The following THBS2 variants were observed in gnomAD, a reference collection of about 807,000 sequenced individuals.
THBS2 encodes the protein thrombospondin 2.
THBS2 carries 47 observed loss-of-function variants against 135.2 expected under a neutral mutation model. The observed-to-expected ratio is 0.35, with a 90% CI of 0.28 to 0.44. The LOEUF (loss-of-function observed/expected upper bound fraction) is 0.44, where lower values mean the gene tolerates loss of function less well. Ranked by LOEUF, THBS2 falls within the 20% of genes least tolerant of loss-of-function variation. THBS2 has a pLI of 1.00. For missense variants in THBS2, 1,288 were observed against 1,603.1 expected, an observed-to-expected ratio of 0.80 and a Z score of 3.36; for synonymous variants, 639 against 633.8, an observed-to-expected ratio of 1.01 and a Z score of -0.12.
Position 169,217,220 on chromosome 6 carries a change from GT to G in THBS2, c.*601del, listed in dbSNP as rs1779205845. On this transcript the variant is annotated 3_prime_UTR_variant, in exon 22 of 22. Coordinates refer to ENST00000617924, the MANE Select transcript of THBS2 (RefSeq NM_003247.5). The stretch of plus-strand genomic sequence containing the variant: ...GTTTATTTTTGTAACTGTTTTACAT[GT>G]TCCGATTAGTTAATCGGTAGCTTAT... 1 of 152,306 alleles carries G rather than the reference GT, an allele frequency of 6.6e-6. No homozygotes were observed. The allele number at this position is 152,306 out of a possible 1,614,324, so 9.4% of individuals were successfully genotyped here. A position where few individuals can be genotyped will look rare whatever the true frequency, so the allele number is the denominator to read the frequency against.
chr6:169,223,610 T>G, intron 17 of THBS2, 135 bp from the exon 18 acceptor site: 1 of 690,518 alleles, frequency 1.4e-6, no homozygotes, highest in Non-Finnish European at 2.4e-6. Context: ...CTGAGTGCTT[T>G]GCAGTGTTTT....
At chr6:169,233,752 ACTAC>A (rs1385850011) in intron 10 of THBS2, among the ~76,000 whole-genome samples, 1 of 145,934 alleles carries the variant, frequency 6.9e-6, no homozygotes, top group African/African-American at 2.6e-5. Flanking sequence ...ACACTACACA[ACTAC>A]CTACACACCA....
At chr6:169,220,476 G>T in intron 20 of THBS2, 139 bp from the exon 21 acceptor site, 5 of 1,104,952 alleles carry the variant, frequency 4.5e-6, no homozygotes, top group Non-Finnish European at 5.2e-6. Context: ...AGGGGGCATT[G>T]CTGGCTTTCT....
At chr6:169,221,211 A>G (rs555180733) in intron 20 of THBS2, among the ~76,000 whole-genome samples, 12 of 152,334 alleles carry the variant, frequency 7.9e-5, no homozygotes, top group African/African-American at 2.9e-4. Context: ...TCATCCCAAA[A>G]CAAAGCAGAT....
At chr6:169,235,410 A>G (rs1353413314) in intron 9 of THBS2, among the ~76,000 whole-genome samples, 1 of 151,764 alleles carries the variant, frequency 6.6e-6, no homozygotes, top group East Asian at 1.9e-4. Flanking sequence ...GAAGCCTGGT[A>G]TGACACCGAA....
chr6:169,219,470 A>G (rs1779339844), intron 21 of THBS2, among the ~76,000 whole-genome samples: 1 of 152,066 alleles, frequency 6.6e-6, no homozygotes, highest in Non-Finnish European at 1.5e-5. Context: ...AGATGCCTTG[A>G]AAGACATCCT....
At chr6:169,227,204 C>A (rs569820239) in intron 15 of THBS2, among the ~76,000 whole-genome samples, 1 of 152,274 alleles carries the variant, frequency 6.6e-6, no homozygotes. Flanking sequence ...GGGAAGAGGA[C>A]CCCACGAGGC....
chr6:169,219,723 A>G (rs1041743305), intron 21 of THBS2: 1 of 505,510 alleles, frequency 2.0e-6, no homozygotes, highest in Non-Finnish European at 3.9e-6. Context: ...GGTAATGCGC[A>G]TTTGAAGGCA....
chr6:169,234,608 C>T, intron 10 of THBS2, 126 bp downstream of exon 10: 1 of 995,152 alleles, frequency 1.0e-6, no homozygotes, highest in Non-Finnish European at 1.4e-6. Context: ...AAGTAGTTAT[C>T]TTTGCGTGTG....
chr6:169,233,714 CCA>C (rs1265273874), intron 10 of THBS2, among the ~76,000 whole-genome samples: 2 of 147,624 alleles, frequency 1.4e-5, no homozygotes, highest in Non-Finnish European at 3.0e-5. Flanking sequence ...ACGTTCCAGA[CCA>C]CACAACTACC....
Position 169,248,876 on chromosome 6 carries a change from G to C in THBS2, c.150C>G (p.Pro50=). 1 of 1,612,804 alleles carries C rather than the reference G, an allele frequency of 6.2e-7. No individual in the cohort carries two copies. The part of the protein sequence containing the change: ...IGAKQFRGPD[P]GVPAYRFVRF... ...GCACGAAGCGGTAAGCCGGCACGCC[G>C]GGGTCGGGCCCGCGGAACTGCTTGG... is the stretch of plus-strand genomic sequence containing the variant. The change falls in exon 3 of 22, where the codon CCC becomes CCG. Residue 50 remains proline (P), a synonymous_variant. Transcript: ENST00000617924.
rs1354261339 is a variant in THBS2 at position 169,217,376 on chromosome 6, T to G, written c.*446A>C. The G allele has an allele frequency of 6.2e-6, 1 of 160,714 alleles. No individual in the cohort carries two copies. Among genetic ancestry groups the G allele is most frequent in the African/African-American group, 2.4e-5 (1 of 41,828 alleles). The allele number at this position is 160,714 out of a possible 1,614,324, so 10.0% of individuals were successfully genotyped here. Reference sequence around the variant, plus strand: ...TTGTAGAGCAACTCTAATTCAAGAATAGTGACAACTTTAAGCACCAAAAGT... The same window carrying G: ...TTGTAGAGCAACTCTAATTCAAGAAGAGTGACAACTTTAAGCACCAAAAGT... On this transcript the variant is annotated 3_prime_UTR_variant, in exon 22 of 22. Coordinates refer to ENST00000617924, the MANE Select transcript of THBS2 (RefSeq NM_003247.5).
intron 16 of THBS2, 22 bp downstream of exon 16, chr6:169,226,158 G>A (rs768084560): frequency 9.4e-6 from 15 of 1,594,746 alleles, no homozygotes; most frequent in East Asian, 2.2e-5. Flanking sequence ...CTCCAACCCC[G>A]CCTGTCTGCG....
chr6:169,253,823 C>T lies in THBS2; in HGVS notation c.-122G>A, dbSNP rs1780830491. ...GGAGCGAGAGACCGGCCCTGCAGTG[C>T]AGGATGCTCCGGTGGACGTGGCCGA... On this transcript the variant is annotated 5_prime_UTR_variant, in exon 1 of 22. Transcript: ENST00000617924. The T allele has an allele frequency of 6.6e-6, 1 of 152,272 alleles. No individual in the cohort carries two copies. The highest frequency in any genetic ancestry group is 1.5e-5 in the Non-Finnish European group (1 of 68,078). 9.4% of individuals were successfully genotyped at this position (152,272 alleles called of 1,614,324 possible). A position where few individuals can be genotyped will look rare whatever the true frequency, so the allele number is the denominator to read the frequency against.
intron 2 of THBS2, among the ~76,000 whole-genome samples, chr6:169,249,938 G>A (rs967391795): frequency 6.6e-6 from 1 of 152,002 alleles, no homozygotes; most frequent in Non-Finnish European, 1.5e-5. Context: ...GCTGAGGCAG[G>A]AGAATGGCGT....
chr6:169,219,345 T>TGGATGGATG (rs1779332459), intron 21 of THBS2, among the ~76,000 whole-genome samples: 1 of 30,078 alleles, frequency 3.3e-5, no homozygotes, highest in Non-Finnish European at 6.2e-5. Flanking sequence ...GGTGGGTGGA[T>TGGATGGATG]GGATGGATGG....
chr6:169,218,753 A>C (rs1372054591), intron 21 of THBS2, among the ~76,000 whole-genome samples: 6 of 120,518 alleles, frequency 5.0e-5, no homozygotes, highest in Admixed American at 2.5e-4. Flanking sequence ...GATGAGATGG[A>C]TGGATGGGTG....
intron 21 of THBS2, 37 bp from the exon 22 acceptor site, chr6:169,217,866 A>G (rs1341535664): frequency 2.5e-6 from 4 of 1,592,678 alleles, no homozygotes; most frequent in South Asian, 2.3e-5. Context: ...AACAATTAGC[A>G]TAACTGGGCC....
In THBS2 at chr6:169,222,459, T is replaced by C; in HGVS notation, c.3011A>G (p.Glu1004Gly). The stretch of plus-strand genomic sequence containing the variant: ...GCCACTGAAGTCCACAGACCCAAAC[T>C]CGTCAAAACCTGGATGCAACGCCAT... ...SDPGIAVGFD[E>G]FGSVDFSGTF... Residue 1004 changes from glutamate (E) to glycine (G), a missense_variant, in exon 19 of 22, where the codon GAG becomes GGG. Glu to Gly is a moderately conservative substitution (Grantham distance 98). Coordinates refer to ENST00000617924, the MANE Select transcript of THBS2 (RefSeq NM_003247.5). The C allele has an allele frequency of 6.2e-7, 1 of 1,612,822 alleles. No individual in the cohort carries two copies. Among genetic ancestry groups the C allele is most frequent in the Non-Finnish European group, 8.5e-7 (1 of 1,179,394 alleles).
Sources: gnomAD v4.1 joint callset for allele counts (sites outside exome capture counted in the v4.1 genomes callset) on GRCh38, gnomAD v4.1.1 for gene constraint, MANE v1.5 for transcripts, NCBI Gene and HGNC (gene_info 2026-07-23, HGNC 2026-07-21) for gene names.